Variants in FGFR2 observed in about 807,000 individuals in gnomAD.
The protein encoded by FGFR2 is BEK fibroblast growth factor receptor.
A neutral mutation model predicts 95.9 loss-of-function variants in FGFR2; 19 were observed. That is an observed-to-expected ratio of 0.20 (90% CI 0.14 to 0.29). The LOEUF (loss-of-function observed/expected upper bound fraction) is 0.29, where lower values mean the gene tolerates loss of function less well. Ranked by LOEUF, FGFR2 falls within the 10% of genes least tolerant of loss-of-function variation. The pLI, the probability that FGFR2 is intolerant of heterozygous loss-of-function variation, is 1.00. For synonymous variants in FGFR2, 392 were observed against 393.3 expected, an observed-to-expected ratio of 1.00 and a Z score of 0.04; for missense variants, 707 against 1,056.9, an observed-to-expected ratio of 0.67 and a Z score of 4.59.
At position 121,518,136 on chromosome 10, in the gene FGFR2, C is replaced by T; in HGVS notation, c.940-673G>A. On this transcript the variant is annotated intron_variant, in intron 7 of 17. Transcript: ENST00000358487. This position sits in a 1 kb window ranked among gnomAD's most constrained non-coding sequence, Gnocchi z 4.0. ...ACAAACCTAAAAAGTCAACCTTTTG[C>T]CTTTAGTAGCGTCCAGTAGTACATT... 5.1e-6 allele frequency: 2 copies of T among 394,874 alleles called. No individual in the cohort carries two copies. Among genetic ancestry groups the T allele is most frequent in the South Asian group, 3.9e-5 (2 of 51,296 alleles). 24.5% of individuals were successfully genotyped at this position (394,874 alleles called of 1,614,324 possible).
At chr10:121,497,044 T>C (rs1335569098) in intron 12 of FGFR2, among the ~76,000 whole-genome samples, 7 of 144,340 alleles carry the variant, frequency 4.8e-5, no homozygotes, top group Non-Finnish European at 8.9e-5. Flanking sequence ...GACAGGAGAA[T>C]CGCTTGAACC....
intron 5 of FGFR2, among the ~76,000 whole-genome samples, chr10:121,546,763 A>G (rs1338138564): frequency 6.6e-6 from 1 of 152,226 alleles, no homozygotes; most frequent in Non-Finnish European, 1.5e-5. Flanking sequence ...AAAGAATGAG[A>G]TGGACAGGCC....
At position 121,487,347 on chromosome 10, in the gene FGFR2, T is replaced by G. The variant is rs753861054; in HGVS notation, c.2057+7A>C. The G allele has an allele frequency of 6.2e-7, 1 of 1,610,674 alleles. No individual in the cohort carries two copies. The highest frequency in any genetic ancestry group is 1.7e-5 in the Admixed American group (1 of 60,008). ...AGGAAAAAGCCAGAGAAAAGAGAGTTACTCACACATCACTCTGATGAGTGT... is the reference window on the plus strand; with the variant it reads ...AGGAAAAAGCCAGAGAAAAGAGAGTGACTCACACATCACTCTGATGAGTGT... On this transcript the variant is annotated splice_region_variant and intron_variant, in intron 15 of 17. Coordinates refer to ENST00000358487, the MANE Select transcript of FGFR2 (RefSeq NM_000141.5).
intron 2 of FGFR2, among the ~76,000 whole-genome samples, chr10:121,572,105 G>C (rs929023979): frequency 1.1e-4 from 16 of 145,872 alleles, no homozygotes; most frequent in African/African-American, 3.8e-4. Context: ...CTTGAGGTCA[G>C]GAGTTCAAGA....
At chr10:121,579,258 C>A (rs1009182865) in intron 2 of FGFR2, among the ~76,000 whole-genome samples, 2 of 152,260 alleles carry the variant, frequency 1.3e-5, no homozygotes, top group African/African-American at 4.8e-5. Context: ...AGCAAGCACT[C>A]CTCATCCTGG....
At chr10:121,534,929 T>C (rs1474842464) in intron 6 of FGFR2, among the ~76,000 whole-genome samples, 1 of 152,168 alleles carries the variant, frequency 6.6e-6, no homozygotes, top group African/African-American at 2.4e-5. Flanking sequence ...GTCCTAAGCC[T>C]TGGAAACTAG....
At chr10:121,510,117 G>A (rs1848860092) in intron 9 of FGFR2, among the ~76,000 whole-genome samples, 2 of 152,184 alleles carry the variant, frequency 1.3e-5, no homozygotes, top group African/African-American at 4.8e-5. Context: ...AAAGGCTTCT[G>A]AAGTTGCATT....
chr10:121,589,481 A>C (rs991461964), intron 2 of FGFR2, among the ~76,000 whole-genome samples: 1 of 152,126 alleles, frequency 6.6e-6, no homozygotes, highest in Non-Finnish European at 1.5e-5. Flanking sequence ...AAAGACTTGA[A>C]AGGAATAAAG....
Position 121,564,515 on chromosome 10 carries a change from G to T in FGFR2, c.441C>A (p.Asn147Lys). 6.2e-7 allele frequency: 1 copy of T among 1,613,962 alleles called. No homozygotes were observed. The highest frequency in any genetic ancestry group is 1.1e-5 in the South Asian group (1 of 91,066). Reference protein sequence around the residue: ...TDGAEDFVSENSNNKRAPYWT... With the variant: ...TDGAEDFVSEKSNNKRAPYWT... ...GCAGTTACTTACTCTTGTTGTTACT[G>T]TTCTCACTGACAAAATCTTCCGCAC... Residue 147 changes from asparagine (N) to lysine (K), a missense_variant, in exon 4 of 18, where the codon AAC becomes AAA. Physicochemically the swap from Asn to Lys is moderately conservative, Grantham distance 94 (BLOSUM62 0). Transcript: ENST00000358487.
At chr10:121,585,581 G>A (rs933082887) in intron 2 of FGFR2, among the ~76,000 whole-genome samples, 6 of 152,174 alleles carry the variant, frequency 3.9e-5, no homozygotes, top group African/African-American at 1.4e-4. Context: ...TAACTTTTCT[G>A]AAATCACAGC....
intron 2 of FGFR2, among the ~76,000 whole-genome samples, chr10:121,573,676 G>A (rs1228613449): frequency 3.5e-5 from 4 of 114,004 alleles, no homozygotes; most frequent in Non-Finnish European, 5.6e-5. Context: ...AGGAGAAAGA[G>A]GGAGGGGCAG....
chr10:121,494,641 G>A (rs920855267), intron 13 of FGFR2, among the ~76,000 whole-genome samples: 3 of 152,064 alleles, frequency 2.0e-5, no homozygotes, highest in Non-Finnish European at 4.4e-5. Context: ...ACCACTGCTG[G>A]GTTTGCTTGT....
intron 13 of FGFR2, among the ~76,000 whole-genome samples, chr10:121,495,517 A>G (rs1263087072): frequency 6.6e-6 from 1 of 152,116 alleles, no homozygotes; most frequent in East Asian, 1.9e-4. Flanking sequence ...GAAAGAAAGA[A>G]AAAACCATCC....
At position 121,485,513 on chromosome 10, in the gene FGFR2, T is replaced by G; in HGVS notation, c.2077A>C (p.Met693Leu). The change falls in exon 16 of 18, where the codon ATG becomes CTG. Residue 693 changes from methionine (M) to leucine (L), a missense_variant. By Grantham distance (15) the Met-to-Leu change is conservative. Around this residue, in one of 7 missense-constraint regions of FGFR2, gnomAD observed 104 missense variants for 214.2 expected, o/e 0.49. Transcript: ENST00000358487. This position sits in a 1 kb window ranked among gnomAD's most constrained non-coding sequence, Gnocchi z 4.2. ...CCCCCTAAAGTGAAGATCTCCCACA[T>G]TAACACCCCGAAGGACCAGCTGCAA... ...QSDVWSFGVL[M>L]WEIFTLGGSP... The G allele has an allele frequency of 6.2e-7, 1 of 1,614,066 alleles. No individual in the cohort carries two copies. Among genetic ancestry groups the G allele is most frequent in the Non-Finnish European group, 8.5e-7 (1 of 1,180,012 alleles).
chr10:121,597,370 A>T (rs1173163232), intron 1 of FGFR2, among the ~76,000 whole-genome samples: 1 of 152,214 alleles, frequency 6.6e-6, no homozygotes, highest in Non-Finnish European at 1.5e-5. Context: ...CCCCAGGCGC[A>T]CTGCGCTCCC....
intron 9 of FGFR2, among the ~76,000 whole-genome samples, chr10:121,509,342 T>G (rs1387524068): frequency 6.6e-6 from 1 of 152,068 alleles, no homozygotes; most frequent in Non-Finnish European, 1.5e-5. Context: ...CTCTCCAGCA[T>G]GTGCCATAAG....
chr10:121,559,221 C>T (rs7082824), intron 4 of FGFR2, among the ~76,000 whole-genome samples: 11,172 of 151,864 alleles, frequency 0.074, 1,397 homozygotes, highest in African/African-American at 0.26. Context: ...TACAAACACA[C>T]CCCAGTGGCA....
rs2981579 is a variant in FGFR2, at chr10:121,577,821, A to G, written c.110-12117T>C. On this transcript the variant is annotated intron_variant, in intron 2 of 17. Transcript: ENST00000358487. ...GAGGAAATACATAACCTGGATGTCT[A>G]CAGAGGTCGTATCCAAAACAAGCAA... Among the ~76,000 whole-genome samples, 80,235 of 151,554 alleles carry G rather than the reference A, an allele frequency of 0.53. 21,777 individuals carry two copies. Among genetic ancestry groups the G allele is most frequent in the South Asian group, 0.6 (2,866 of 4,784 alleles).
chr10:121,523,139 C>A (rs1850801717), intron 6 of FGFR2, among the ~76,000 whole-genome samples: 1 of 152,246 alleles, frequency 6.6e-6, no homozygotes, highest in Non-Finnish European at 1.5e-5. Context: ...TCTCCCATCA[C>A]TTTACAGACA....
Sources: gnomAD v4.1 joint callset for allele counts (sites outside exome capture counted in the v4.1 genomes callset) on GRCh38, gnomAD v4.1.1 for gene constraint, gnomAD v4.1.1 regional missense constraint, Gnocchi (gnomAD v3.1) non-coding constraint, MANE v1.5 for transcripts, NCBI Gene and HGNC (gene_info 2026-07-23, HGNC 2026-07-21) for gene names.